Variants in FSHR observed in about 807,000 individuals in gnomAD.
FSHR encodes the protein follicle-stimulating hormone receptor.
Under a neutral mutation model 52.1 loss-of-function variants are expected in FSHR, and 46 were observed. The observed-to-expected ratio is 0.88, with a 90% confidence interval of 0.70 to 1.13. FSHR has a LOEUF of 1.13. Among genes scored for constraint, FSHR ranks in the 50% most tolerant of loss-of-function variants. FSHR has a pLI of 0.00. For missense variants in FSHR, 964 were observed against 834.6 expected (o/e 1.16, Z -1.91); for synonymous variants, 399 against 309.6 (o/e 1.29, Z -3.03).
At position 48,989,043 on chromosome 2, in the gene FSHR, T is replaced by C. The variant is rs891202290; in HGVS notation, c.458A>G (p.Asp153Gly). The C allele has an allele frequency of 6.2e-7, 1 of 1,613,060 alleles. No individual in the cohort carries two copies. The highest frequency in any genetic ancestry group is 8.5e-7 in the Non-Finnish European group (1 of 1,179,254). ...TTCAATTGTGTGGATGTTTATGTTA[T>C]CTTGAATGTCACTAGAAGAAAGTAC... ...SLQKVLLDIQ[D>G]NINIHTIERN... The change falls in exon 6 of 10, where the codon GAT becomes GGT. Residue 153 changes from aspartate (D) to glycine (G), a missense_variant. Physicochemically the swap from Asp to Gly is moderately conservative, Grantham distance 94. Coordinates refer to ENST00000406846, the MANE Select transcript of FSHR (RefSeq NM_000145.4).
chr2:49,050,516 G>A (rs2104300893), intron 2 of FSHR, among the ~76,000 whole-genome samples: 1 of 152,262 alleles, frequency 6.6e-6, no homozygotes, highest in Admixed American at 6.5e-5. Flanking sequence ...TTTTACCTTA[G>A]CAGGAACATG....
intron 2 of FSHR, 40 bp downstream of exon 2, chr2:49,068,179 C>T (rs780241802): frequency 7.3e-6 from 11 of 1,512,832 alleles, no homozygotes; most frequent in Non-Finnish European, 1.0e-5. Flanking sequence ...TCCCTATAGC[C>T]CCCTTGAGGC....
intron 1 of FSHR, among the ~76,000 whole-genome samples, chr2:49,116,363 C>A (rs756323731): frequency 6.6e-6 from 1 of 152,056 alleles, no homozygotes; most frequent in South Asian, 2.1e-4. Context: ...CTGACACTTG[C>A]GTTACTTAGA....
intron 1 of FSHR, among the ~76,000 whole-genome samples, chr2:49,108,721 A>G (rs535871673): frequency 1.3e-5 from 2 of 152,264 alleles, no homozygotes; most frequent in Admixed American, 1.3e-4. Context: ...GGCTTTTGAG[A>G]ACATTTAGAC....
At chr2:49,146,817 C>T (rs893333922) in intron 1 of FSHR, among the ~76,000 whole-genome samples, 2 of 151,978 alleles carry the variant, frequency 1.3e-5, no homozygotes, top group East Asian at 1.9e-4. Context: ...TCTGTTGCAT[C>T]GAAACAGTTA....
intron 2 of FSHR, among the ~76,000 whole-genome samples, chr2:49,032,140 T>G (rs1490625354): frequency 6.6e-6 from 1 of 152,216 alleles, no homozygotes; most frequent in African/African-American, 2.4e-5. Flanking sequence ...ATTCCAATTT[T>G]AAGGCCCAAC....
chr2:49,140,709 A>C (rs563452573), intron 1 of FSHR, among the ~76,000 whole-genome samples: 3 of 152,074 alleles, frequency 2.0e-5, no homozygotes, highest in Admixed American at 1.3e-4. Flanking sequence ...ATCTCAAAAA[A>C]AGAGAGAAAA....
intron 3 of FSHR, 113 bp from the exon 4 acceptor site, chr2:49,017,676 A>T: frequency 2.6e-6 from 2 of 774,294 alleles, no homozygotes; most frequent in Non-Finnish European, 2.3e-6. Context: ...TCATCCACCC[A>T]TCTATTCATC....
At chr2:49,008,238 C>T (rs1667140975) in intron 4 of FSHR, among the ~76,000 whole-genome samples, 1 of 123,828 alleles carries the variant, frequency 8.1e-6, no homozygotes, top group Non-Finnish European at 1.7e-5. Context: ...CATGTGATCT[C>T]ATTGTTCAAT....
intron 1 of FSHR, among the ~76,000 whole-genome samples, chr2:49,141,965 C>T (rs2103839173): frequency 6.6e-6 from 1 of 152,312 alleles, no homozygotes; most frequent in East Asian, 1.9e-4. Flanking sequence ...AAAATAGGGA[C>T]AGTAATAGCT....
At chr2:49,148,365 C>T (rs1432982523) in intron 1 of FSHR, among the ~76,000 whole-genome samples, 1 of 151,966 alleles carries the variant, frequency 6.6e-6, no homozygotes, top group Non-Finnish European at 1.5e-5. Context: ...GCTATCCGAT[C>T]CTATACTAGT....
At chr2:49,148,880 T>C (rs544471309) in intron 1 of FSHR, among the ~76,000 whole-genome samples, 7 of 152,066 alleles carry the variant, frequency 4.6e-5, no homozygotes, top group South Asian at 4.1e-4. Context: ...AGATGAGCTA[T>C]TGAATGTTTT....
At chr2:49,035,988 C>G (rs1014075179) in intron 2 of FSHR, among the ~76,000 whole-genome samples, 18 of 152,206 alleles carry the variant, frequency 1.2e-4, no homozygotes, top group Admixed American at 6.5e-5. Flanking sequence ...TTGAAAAGTT[C>G]AGCAACACTT....
intron 1 of FSHR, among the ~76,000 whole-genome samples, chr2:49,151,553 A>G (rs1470889530): frequency 2.0e-5 from 3 of 152,114 alleles, no homozygotes; most frequent in Admixed American, 2.0e-4. Flanking sequence ...AACTGCTGCA[A>G]GGTGAATGGA....
chr2:48,993,975 G>A (rs1675906148), intron 4 of FSHR, among the ~76,000 whole-genome samples: 1 of 152,108 alleles, frequency 6.6e-6, no homozygotes, highest in Non-Finnish European at 1.5e-5. Flanking sequence ...TCAAAACTCT[G>A]AGCCATGTAT....
chr2:48,995,328 A>G (rs1013212046), intron 4 of FSHR, among the ~76,000 whole-genome samples: 1 of 152,134 alleles, frequency 6.6e-6, no homozygotes, highest in Non-Finnish European at 1.5e-5. Flanking sequence ...TTATGAGTTC[A>G]GGGAAGGGGC....
At chr2:48,972,630 C>G (rs979441462) in intron 8 of FSHR, among the ~76,000 whole-genome samples, 3 of 152,078 alleles carry the variant, frequency 2.0e-5, no homozygotes, top group Non-Finnish European at 4.4e-5. Context: ...TTGGGTTCCT[C>G]TTTTTTTCTC....
At chr2:49,061,706 TTA>T (rs1304001568) in intron 2 of FSHR, among the ~76,000 whole-genome samples, 1 of 140,340 alleles carries the variant, frequency 7.1e-6, no homozygotes, top group East Asian at 2.0e-4. Context: ...TTTATATATA[TTA>T]TATATAACTA....
At chr2:49,126,162 T>A (rs185989127) in intron 1 of FSHR, among the ~76,000 whole-genome samples, 1 of 152,324 alleles carries the variant, frequency 6.6e-6, no homozygotes, top group East Asian at 1.9e-4. Context: ...TATCTGAGAC[T>A]GGGTAATTTA....
Sources: gnomAD v4.1 joint callset for allele counts (sites outside exome capture counted in the v4.1 genomes callset) on GRCh38, gnomAD v4.1.1 for gene constraint, MANE v1.5 for transcripts, NCBI Gene and HGNC (gene_info 2026-07-23, HGNC 2026-07-21) for gene names.